MACROD2: variants seen among roughly 807,000 people sequenced by gnomAD.
MACROD2 encodes the protein mono-ADP ribosylhydrolase 2.
MACROD2 carries 36 observed loss-of-function variants against 70.4 expected under a neutral mutation model. The ratio of observed to expected loss-of-function variants is 0.51; its 90% CI spans 0.39 to 0.68. The LOEUF (loss-of-function observed/expected upper bound fraction) is 0.68. Among genes scored for constraint, MACROD2 ranks in the 30% least tolerant of loss-of-function variants. MACROD2 has a pLI of 0.00. For synonymous variants in MACROD2, 172 were observed against 178.8 expected, an observed-to-expected ratio of 0.96 and a Z score of 0.30; for missense variants, 496 against 538.4, an observed-to-expected ratio of 0.92 and a Z score of 0.78.
intron 3 of MACROD2, among the ~76,000 whole-genome samples, chr20:14,238,608 T>C (rs1270732579): frequency 1.3e-5 from 2 of 152,188 alleles, no homozygotes; most frequent in African/African-American, 4.8e-5. Flanking sequence ...GAAGAGAGGA[T>C]GTCAAACTAT....
At chr20:15,370,819 GC>G (rs1174567596) in intron 6 of MACROD2, among the ~76,000 whole-genome samples, 4 of 151,648 alleles carry the variant, frequency 2.6e-5, no homozygotes, top group Non-Finnish European at 5.9e-5. Flanking sequence ...CAGAACACAG[GC>G]AAAAAGAAGG....
At chr20:14,429,296 C>T (rs1011746612) in intron 3 of MACROD2, among the ~76,000 whole-genome samples, 57 of 152,236 alleles carry the variant, frequency 3.7e-4, no homozygotes, top group African/African-American at 1.3e-3. Flanking sequence ...ATTTCTGTGG[C>T]CTTTAAATGT....
intron 6 of MACROD2, among the ~76,000 whole-genome samples, chr20:15,345,491 G>A (rs887893408): frequency 7.2e-5 from 11 of 152,126 alleles, no homozygotes; most frequent in African/African-American, 2.7e-4. Context: ...ATGAATCAAG[G>A]CTGGCTCCTA....
chr20:14,649,475 A>G (rs1478875865), intron 4 of MACROD2, among the ~76,000 whole-genome samples: 1 of 152,180 alleles, frequency 6.6e-6, no homozygotes, highest in East Asian at 1.9e-4. Context: ...CCACAGTTCT[A>G]ACAGGGAAAG....
chr20:14,777,410 G>A (rs1250154285), intron 5 of MACROD2, among the ~76,000 whole-genome samples: 2 of 151,984 alleles, frequency 1.3e-5, no homozygotes, highest in Non-Finnish European at 2.9e-5. Flanking sequence ...AGAGCAGGAC[G>A]TGCCCTATGA....
At chr20:14,661,341 T>C (rs1179759829) in intron 4 of MACROD2, among the ~76,000 whole-genome samples, 1 of 152,186 alleles carries the variant, frequency 6.6e-6, no homozygotes, top group Non-Finnish European at 1.5e-5. Context: ...TTGCCACTTA[T>C]ATGTCTCCTT....
chr20:14,637,594 C>T (rs1036124395), intron 4 of MACROD2, among the ~76,000 whole-genome samples: 2 of 151,900 alleles, frequency 1.3e-5, no homozygotes, highest in African/African-American at 4.8e-5. Context: ...TGTGTAGACT[C>T]TCTTCTTCGT....
intron 5 of MACROD2, among the ~76,000 whole-genome samples, chr20:15,007,423 C>T (rs1307089322): frequency 2.0e-5 from 3 of 151,860 alleles, no homozygotes; most frequent in African/African-American, 7.3e-5. Context: ...TCACACTGCC[C>T]TGTCATACAT....
At chr20:14,455,301 A>G (rs1206406793) in intron 3 of MACROD2, among the ~76,000 whole-genome samples, 1 of 151,872 alleles carries the variant, frequency 6.6e-6, no homozygotes, top group East Asian at 1.9e-4. Context: ...TTTTGATAGA[A>G]AGAGCTCAAA....
chr20:15,146,366 G>T (rs899915983), intron 5 of MACROD2, among the ~76,000 whole-genome samples: 1 of 152,138 alleles, frequency 6.6e-6, no homozygotes, highest in Non-Finnish European at 1.5e-5. Flanking sequence ...AACTATCATT[G>T]TAGTAGTGAA....
At chr20:14,499,299 G>A (rs1355277600) in intron 4 of MACROD2, among the ~76,000 whole-genome samples, 2 of 152,130 alleles carry the variant, frequency 1.3e-5, no homozygotes, top group Non-Finnish European at 2.9e-5. Context: ...GGGAGGCCAG[G>A]GTAGGAGGAT....
At chr20:15,415,788 T>A (rs143074164) in intron 6 of MACROD2, among the ~76,000 whole-genome samples, 18 of 152,324 alleles carry the variant, frequency 1.2e-4, no homozygotes, top group African/African-American at 4.3e-4. Flanking sequence ...CATATATCCA[T>A]GCAATAAGTG....
At position 16,044,654 on chromosome 20, in the gene MACROD2, G is replaced by A. The variant is rs2067355612; in HGVS notation, c.1300+15G>A. 1.9e-6 allele frequency: 3 copies of A among 1,605,546 alleles called. No individual in the cohort carries two copies. The highest frequency in any genetic ancestry group is 1.3e-5 in the African/African-American group (1 of 74,736). ...TCAACTAATAGGTAAGATGCCCCTT[G>A]TGGTGAGATTTTCAATGATCAACCA... On this transcript the variant is annotated intron_variant, in intron 17 of 17. Coordinates refer to ENST00000684519, the MANE Select transcript of MACROD2 (RefSeq NM_001351661.2).
chr20:14,650,512 A>C (rs1985623824), intron 4 of MACROD2, among the ~76,000 whole-genome samples: 1 of 152,166 alleles, frequency 6.6e-6, no homozygotes, highest in South Asian at 2.1e-4. Context: ...TCTCCATTGG[A>C]GGTTAGAGTT....
intron 3 of MACROD2, among the ~76,000 whole-genome samples, chr20:14,125,051 C>A (rs1473888914): frequency 6.6e-6 from 1 of 152,046 alleles, no homozygotes; most frequent in Non-Finnish European, 1.5e-5. Flanking sequence ...AAGCCAGACA[C>A]AAAAGGTTAC....
chr20:15,296,865 T>C (rs527320589), intron 6 of MACROD2, among the ~76,000 whole-genome samples: 1 of 152,380 alleles, frequency 6.6e-6, no homozygotes, highest in East Asian at 1.9e-4. Context: ...CATATATTCC[T>C]GCAGAGCTCA....
intron 6 of MACROD2, among the ~76,000 whole-genome samples, chr20:15,297,379 A>C (rs904390532): frequency 1.1e-4 from 16 of 152,178 alleles, no homozygotes; most frequent in Admixed American, 1.0e-3. Flanking sequence ...TGTGCATCCT[A>C]AGATCCAAAA....
At chr20:14,409,012 G>A (rs1217999962) in intron 3 of MACROD2, among the ~76,000 whole-genome samples, 3 of 152,074 alleles carry the variant, frequency 2.0e-5, no homozygotes, top group African/African-American at 7.2e-5. Flanking sequence ...CCCATGTCAA[G>A]CACATCTAGA....
intron 6 of MACROD2, among the ~76,000 whole-genome samples, chr20:15,286,860 T>A (rs2077496353): frequency 6.6e-6 from 1 of 152,128 alleles, no homozygotes; most frequent in African/African-American, 2.4e-5. Context: ...CTTGGTAAAT[T>A]TGTAGAACCC....
Sources: allele counts gnomAD v4.1 joint callset (sites outside exome capture counted in the v4.1 genomes callset), GRCh38; gene constraint gnomAD v4.1.1; transcripts MANE v1.5; gene names NCBI Gene and HGNC (gene_info 2026-07-23, HGNC 2026-07-21).